NBAS: variants seen among roughly 807,000 people sequenced by gnomAD.
The protein encoded by NBAS is NBAS subunit of NRZ tethering complex.
In NBAS, 219 loss-of-function variants were observed where a neutral mutation model predicts 302.5. That is an observed-to-expected ratio of 0.72 (90% CI 0.65 to 0.81). The LOEUF (loss-of-function observed/expected upper bound fraction) is 0.81, where lower values mean the gene tolerates loss of function less well. Ranked by LOEUF, NBAS falls within the 30% of genes least tolerant of loss-of-function variation. The pLI is 0.00. For missense variants in NBAS, 2,932 were observed against 2,841.6 expected, an observed-to-expected ratio of 1.03 and a Z score of -0.72; for synonymous variants, 1,118 against 1,021.6, an observed-to-expected ratio of 1.09 and a Z score of -1.80.
intron 48 of NBAS, among the ~76,000 whole-genome samples, chr2:15,202,146 G>T (rs1393794054): frequency 6.6e-6 from 1 of 152,160 alleles, no homozygotes; most frequent in African/African-American, 2.4e-5. Context: ...CCCAATGAAA[G>T]AACAGGAATG....
chr2:15,166,840 C>CTTT (rs893838052), downstream of NBAS: 13 of 550,110 alleles, frequency 2.4e-5, no homozygotes, highest in African/African-American at 1.1e-4. Context: ...GGAAGAGTCT[C>CTTT]TTAATCAATA....
At chr2:14,829,903 T>C in the NBAS span, among the ~76,000 whole-genome samples, 1 of 152,316 alleles carries the variant, frequency 6.6e-6, no homozygotes, top group African/African-American at 2.4e-5. Context: ...TTTTTAAAAT[T>C]GAGAGTCCTA....
intron 21 of NBAS, among the ~76,000 whole-genome samples, chr2:15,455,593 T>A (rs1281423838): frequency 6.6e-6 from 1 of 152,034 alleles, no homozygotes; most frequent in African/African-American, 2.4e-5. Context: ...TTGCTAACAC[T>A]AAAGCAACAC....
At chr2:15,470,344 C>A (rs977067922) in intron 16 of NBAS, among the ~76,000 whole-genome samples, 6 of 152,182 alleles carry the variant, frequency 3.9e-5, no homozygotes, top group African/African-American at 1.2e-4. Flanking sequence ...CAGAAGCTTT[C>A]CACATCCTCC....
chr2:15,536,348 T>C (rs959888318), intron 8 of NBAS, 70 bp downstream of exon 8: 38 of 1,501,856 alleles, frequency 2.5e-5, no homozygotes, highest in South Asian at 3.6e-5. Context: ...AAAAAAGAAA[T>C]ATCAAAATCT....
intron 16 of NBAS, among the ~76,000 whole-genome samples, chr2:15,472,044 T>G (rs1189570106): frequency 1.3e-5 from 2 of 152,182 alleles, no homozygotes; most frequent in African/African-American, 4.8e-5. Context: ...TTTTGAGATT[T>G]AAGTTTTAAA....
intron 19 of NBAS, among the ~76,000 whole-genome samples, chr2:15,466,774 A>C (rs1679740962): frequency 6.6e-6 from 1 of 151,930 alleles, no homozygotes; most frequent in South Asian, 2.1e-4. Flanking sequence ...CCTGTCTCTA[A>C]AAAAATGCAA....
At chr2:15,402,571 TA>T (rs2148430378) in intron 25 of NBAS, among the ~76,000 whole-genome samples, 2 of 152,276 alleles carry the variant, frequency 1.3e-5, no homozygotes, top group South Asian at 4.1e-4. Context: ...CCAGTCAATA[TA>T]GAAAAAAGAA....
the NBAS span, among the ~76,000 whole-genome samples, chr2:14,867,821 T>G: frequency 6.6e-6 from 1 of 152,204 alleles, no homozygotes; most frequent in Non-Finnish European, 1.5e-5. Flanking sequence ...TTACCCATAT[T>G]TTTTTAAATA....
At chr2:14,913,976 G>A in the NBAS span, among the ~76,000 whole-genome samples, 1 of 152,124 alleles carries the variant, frequency 6.6e-6, no homozygotes, top group Non-Finnish European at 1.5e-5. Flanking sequence ...TAAATAAAGA[G>A]GTTTAATGGA....
At chr2:15,349,221 G>A (rs1468865361) in intron 35 of NBAS, among the ~76,000 whole-genome samples, 1 of 152,088 alleles carries the variant, frequency 6.6e-6, no homozygotes, top group Non-Finnish European at 1.5e-5. Context: ...AGGTTCAAAA[G>A]GAACAAAACT....
At chr2:14,881,944 T>C in the NBAS span, among the ~76,000 whole-genome samples, 1 of 152,000 alleles carries the variant, frequency 6.6e-6, no homozygotes, top group Non-Finnish European at 1.5e-5. Flanking sequence ...AATATAACAG[T>C]AAATCTGAGA....
intron 25 of NBAS, among the ~76,000 whole-genome samples, chr2:15,414,924 G>A (rs890271490): frequency 2.6e-5 from 4 of 152,226 alleles, no homozygotes; most frequent in Admixed American, 2.0e-4. Context: ...CAGCCTGGCC[G>A]AAAGAGCGAG....
the NBAS span, among the ~76,000 whole-genome samples, chr2:14,945,345 G>C: frequency 4.6e-5 from 7 of 152,152 alleles, no homozygotes; most frequent in Admixed American, 3.3e-4. Flanking sequence ...AGAGAGGGCT[G>C]GAATAAATAA....
intron 45 of NBAS, 146 bp downstream of exon 45, chr2:15,238,322 G>C (rs1572503625): frequency 2.7e-6 from 2 of 743,132 alleles, no homozygotes; most frequent in East Asian, 5.4e-5. Context: ...TGATCATGAA[G>C]AGGTTAACCA....
At chr2:15,350,424 C>T (rs146586008) in intron 35 of NBAS, among the ~76,000 whole-genome samples, 1 of 152,252 alleles carries the variant, frequency 6.6e-6, no homozygotes, top group African/African-American at 2.4e-5. Context: ...AGAGAATCAT[C>T]ACGTCTTAAT....
Position 15,493,917 on chromosome 2 carries a change from C to T in NBAS, c.955-4895G>A, listed in dbSNP as rs904468368. 5.3e-5 allele frequency among the ~76,000 whole-genome samples: 8 copies of T among 150,494 alleles called. No homozygotes were observed. In the South Asian group the frequency reaches 1.1e-3, roughly 20 times the overall value. ...TCTCAGCTCACTGCAACCTCTGCCTCGAGGGTTCAAGGATTCTCCTGCCTC... is the reference window on the plus strand; with the variant it reads ...TCTCAGCTCACTGCAACCTCTGCCTTGAGGGTTCAAGGATTCTCCTGCCTC... On this transcript the variant is annotated intron_variant, in intron 11 of 51. Coordinates refer to ENST00000281513, the MANE Select transcript of NBAS (RefSeq NM_015909.4).
intron 50 of NBAS, chr2:15,179,466 G>C: frequency 3.7e-6 from 1 of 273,864 alleles, no homozygotes; most frequent in Non-Finnish European, 7.0e-6. Context: ...CTCCTTTGCA[G>C]GTTTTGTGTT....
At chr2:15,197,813 T>C (rs1362115213) in intron 48 of NBAS, among the ~76,000 whole-genome samples, 1 of 152,208 alleles carries the variant, frequency 6.6e-6, no homozygotes, top group Non-Finnish European at 1.5e-5. Context: ...CTGCCTACAT[T>C]TGAATTACCC....
Sources: allele counts gnomAD v4.1 joint callset (sites outside exome capture counted in the v4.1 genomes callset), GRCh38; gene constraint gnomAD v4.1.1; transcripts MANE v1.5; gene names NCBI Gene and HGNC (gene_info 2026-07-23, HGNC 2026-07-21).